Variants in RPP14 observed in about 807,000 individuals in gnomAD.
RPP14 encodes the protein ribonuclease P protein subunit p14.
A neutral mutation model predicts 17.8 loss-of-function variants in RPP14; 19 were observed. The observed-to-expected ratio is 1.07, with a 90% CI of 0.74 to 1.57. The LOEUF (loss-of-function observed/expected upper bound fraction) is 1.57, where lower values mean the gene tolerates loss of function less well. Among genes scored for constraint, RPP14 ranks in the 40% most tolerant of loss-of-function variants. The pLI is 0.00. For missense variants in RPP14, 125 were observed against 140.8 expected (o/e 0.89, Z 0.57); for synonymous variants, 60 against 56.4 (o/e 1.06, Z -0.29).
At chr3:58,307,950 C>A (rs1167640136) in intron 1 of RPP14, 2 of 151,772 alleles carry the variant, frequency 1.3e-5, no homozygotes, top group African/African-American at 2.4e-5. Flanking sequence ...GCTGTGCAGC[C>A]ATCACCACTG....
chr3:58,311,436 G>C (rs1029613015), intron 3 of RPP14, among the ~76,000 whole-genome samples: 1 of 152,196 alleles, frequency 6.6e-6, no homozygotes, highest in Non-Finnish European at 1.5e-5. Context: ...TTACAGGCAC[G>C]AGCCACTGTG....
At position 58,317,660 on chromosome 3, in the gene RPP14, G is replaced by A. The variant is rs543561860; in HGVS notation, c.*164G>A. The A allele has an allele frequency of 1.3e-5, 9 of 709,386 alleles. No individual in the cohort carries two copies. Among genetic ancestry groups the A allele is most frequent in the South Asian group, 8.8e-5 (6 of 67,968 alleles). The allele number at this position is 709,386 out of a possible 1,614,324, so 43.9% of individuals were successfully genotyped here. The stretch of plus-strand genomic sequence containing the variant: ...CATCACCTTTGGTGGGGTGGGCTTC[G>A]GAGGACAGTCTGTCTGAACCTGCCA... On this transcript the variant is annotated 3_prime_UTR_variant, in exon 6 of 6. Coordinates refer to ENST00000295959, the MANE Select transcript of RPP14 (RefSeq NM_007042.6).
chr3:58,310,133 A>G (rs1241550227), intron 1 of RPP14, 176 bp from the exon 2 acceptor site: 23 of 572,166 alleles, frequency 4.0e-5, no homozygotes, highest in African/African-American at 1.9e-4. Flanking sequence ...CTCGAGAGCC[A>G]GAGGTGGAGG....
rs891162796 is a variant in RPP14 at position 58,306,263 on chromosome 3, C to T, written c.-176C>T. On this transcript the variant is annotated 5_prime_UTR_variant, in exon 1 of 6. In the 5' UTR this introduces an upstream ATG that the reference lacks. Coordinates refer to ENST00000295959, the MANE Select transcript of RPP14 (RefSeq NM_007042.6). The stretch of plus-strand genomic sequence containing the variant: ...TGACGTCATATCCGCCTGGGCGTCA[C>T]GCTTCGTGGGGCGGGACGAGGAGAA... The T allele has an allele frequency of 6.6e-6, 1 of 152,280 alleles. No homozygotes were observed. Among genetic ancestry groups the T allele is most frequent in the Non-Finnish European group, 1.5e-5 (1 of 68,082 alleles). The allele number at this position is 152,280 out of a possible 1,614,324, so 9.4% of individuals were successfully genotyped here. A position where few individuals can be genotyped will look rare whatever the true frequency, so the allele number is the denominator to read the frequency against.
intron 3 of RPP14, chr3:58,315,830 C>G (rs1171163935): frequency 6.6e-6 from 1 of 152,296 alleles, no homozygotes; most frequent in Non-Finnish European, 1.5e-5. Flanking sequence ...GCATGTGCCA[C>G]CACACCCGGC....
Position 58,310,510 on chromosome 3 carries a change from A to C in RPP14, c.81A>C (p.Glu27Asp). The stretch of plus-strand genomic sequence containing the variant: ...TTTTTTTTTTCACTTTTTTTAGAGA[A>C]TTTCAAGATTGTGGAGTTGGACTGA... Reference protein sequence around the residue: ...SEYHYMKVCLEFQDCGVGLNA... With the variant: ...SEYHYMKVCLDFQDCGVGLNA... Residue 27 changes from glutamate to aspartate, a missense_variant, in exon 3 of 6, where the codon GAA (glutamate) becomes GAC (aspartate). Physicochemically the swap from Glu to Asp is conservative, Grantham distance 45 (BLOSUM62 2). Transcript: ENST00000295959. 1.9e-6 allele frequency: 3 copies of C among 1,607,954 alleles called. No homozygotes were observed. The highest frequency in any genetic ancestry group is 2.5e-6 in the Non-Finnish European group (3 of 1,178,264).
chr3:58,319,120 G>A lies in RPP14; in HGVS notation c.*1624G>A, dbSNP rs754767290. ...GTATTTTAACTGTGTAACAATTATT[G>A]AAGGCGAAAATAGAAGTTGGGTCAT... On this transcript the variant is annotated 3_prime_UTR_variant, in exon 6 of 6. Transcript: ENST00000295959. 1.3e-5 allele frequency: 2 copies of A among 152,118 alleles called. No individual in the cohort carries two copies. Among genetic ancestry groups the A allele is most frequent in the African/African-American group, 4.8e-5 (2 of 41,412 alleles). 9.4% of individuals were successfully genotyped at this position (152,118 alleles called of 1,614,324 possible).
chr3:58,310,275 A>C, intron 1 of RPP14, 34 bp from the exon 2 acceptor site: 2 of 1,499,838 alleles, frequency 1.3e-6, no homozygotes. Flanking sequence ...TAGCATGTGC[A>C]TTGGTCATTT....
intron 1 of RPP14, among the ~76,000 whole-genome samples, chr3:58,308,250 G>C (rs553428954): frequency 6.6e-6 from 1 of 152,116 alleles, no homozygotes; most frequent in South Asian, 2.1e-4. Context: ...TCTCTCATTT[G>C]AATACCTACT....
At chr3:58,306,462 C>G (rs766782560) in intron 1 of RPP14, 45 bp downstream of exon 1, 5 of 152,342 alleles carry the variant, frequency 3.3e-5, no homozygotes, top group Non-Finnish European at 7.3e-5. Flanking sequence ...TGGGAGCCGT[C>G]TCAGTTGGCC....
intron 1 of RPP14, among the ~76,000 whole-genome samples, chr3:58,308,800 G>C (rs1486620672): frequency 6.6e-6 from 1 of 152,190 alleles, no homozygotes; most frequent in African/African-American, 2.4e-5. Flanking sequence ...ACAGTGTTAA[G>C]AGATTGCATA....
In RPP14 at chr3:58,310,304, T is replaced by C; in HGVS notation, c.-21-5T>C. On this transcript the variant is annotated splice_polypyrimidine_tract_variant and splice_region_variant and intron_variant, in intron 1 of 5. Coordinates refer to ENST00000295959, the MANE Select transcript of RPP14 (RefSeq NM_007042.6). The stretch of plus-strand genomic sequence containing the variant: ...GTCATTTCTAGCCCTCTTGACTTAC[T>C]GTAGGTGTGATCAGCACTGGAAAAG... 2.5e-6 allele frequency: 4 copies of C among 1,606,204 alleles called. No homozygotes were observed. Among genetic ancestry groups the C allele is most frequent in the Non-Finnish European group, 3.4e-6 (4 of 1,172,854 alleles).
chr3:58,310,846 C>A (rs1347136043), intron 3 of RPP14, among the ~76,000 whole-genome samples: 5 of 151,514 alleles, frequency 3.3e-5, no homozygotes, highest in African/African-American at 1.2e-4. Flanking sequence ...AGGATAATTG[C>A]TTGAACCCGG....
intron 3 of RPP14, chr3:58,315,658 C>T (rs2097487478): frequency 6.6e-6 from 1 of 152,148 alleles, no homozygotes; most frequent in African/African-American, 2.4e-5. Flanking sequence ...CATGAACCTC[C>T]CTGTACATTT....
At position 58,316,974 on chromosome 3, in the gene RPP14, G is replaced by A. The variant is rs2097488983; in HGVS notation, c.299G>A (p.Cys100Tyr). The change falls in exon 5 of 6, where the codon TGT becomes TAT. Residue 100 changes from cysteine to tyrosine, a missense_variant. Transcript: ENST00000295959. ...TTAGGATCCTATAAAGGCAAAAAAT[G>A]TGCTTTCCGGGTGATTCAGGTAAAG... is the stretch of plus-strand genomic sequence containing the variant. ...TLLGSYKGKK[C>Y]AFRVIQVSPF... The A allele has an allele frequency of 4.3e-6, 7 of 1,613,838 alleles. No individual in the cohort carries two copies. Among genetic ancestry groups the A allele is most frequent in the Non-Finnish European group, 5.9e-6 (7 of 1,179,784 alleles).
At position 58,320,049 on chromosome 3, in the gene RPP14, A is replaced by G. The variant is rs2097492898; in HGVS notation, c.*2553A>G. On this transcript the variant is annotated 3_prime_UTR_variant, in exon 6 of 6. Coordinates refer to ENST00000295959, the MANE Select transcript of RPP14 (RefSeq NM_007042.6). ...CTCTATGGGTTTCCCTGTTCTGGAC[A>G]TTTCATAAAAGTTCATACAATGTAT... The G allele has an allele frequency of 2.0e-5, 3 of 152,118 alleles. No homozygotes were observed. In the South Asian group the frequency reaches 6.2e-4, roughly 32 times the overall value. The allele number at this position is 152,118 out of a possible 1,614,324, so 9.4% of individuals were successfully genotyped here. A position where few individuals can be genotyped will look rare whatever the true frequency, so the allele number is the denominator to read the frequency against.
At position 58,318,319 on chromosome 3, in the gene RPP14, G is replaced by T; in HGVS notation, c.*823G>T. On this transcript the variant is annotated 3_prime_UTR_variant, in exon 6 of 6. Coordinates refer to ENST00000295959, the MANE Select transcript of RPP14 (RefSeq NM_007042.6). The stretch of plus-strand genomic sequence containing the variant: ...TTCATGCAGACTTGAGTGTATGCAG[G>T]ATTTCATTATCTGCCTGGGTTTTTT... The T allele has an allele frequency of 2.2e-6, 1 of 451,828 alleles. No individual in the cohort carries two copies. Among genetic ancestry groups the T allele is most frequent in the Non-Finnish European group, 3.9e-6 (1 of 257,734 alleles). The allele number at this position is 451,828 out of a possible 1,614,324, so 28.0% of individuals were successfully genotyped here.
rs774501241 is a variant in RPP14, at chr3:58,318,317, A to T, written c.*821A>T. The T allele has an allele frequency of 6.5e-6, 3 of 458,630 alleles. No homozygotes were observed. The highest frequency in any genetic ancestry group is 6.1e-5 in the African/African-American group (3 of 49,574). 28.4% of individuals were successfully genotyped at this position (458,630 alleles called of 1,614,324 possible). On this transcript the variant is annotated 3_prime_UTR_variant, in exon 6 of 6. Coordinates refer to ENST00000295959, the MANE Select transcript of RPP14 (RefSeq NM_007042.6). The stretch of plus-strand genomic sequence containing the variant: ...GCTTCATGCAGACTTGAGTGTATGC[A>T]GGATTTCATTATCTGCCTGGGTTTT...
At chr3:58,313,230 G>T (rs1271436064) in intron 3 of RPP14, among the ~76,000 whole-genome samples, 1 of 152,158 alleles carries the variant, frequency 6.6e-6, no homozygotes. Context: ...CTGCACTCCA[G>T]CCTGGGCGAC....
Sources: allele counts gnomAD v4.1 joint callset (sites outside exome capture counted in the v4.1 genomes callset), GRCh38; gene constraint gnomAD v4.1.1; transcripts MANE v1.5; gene names NCBI Gene and HGNC (gene_info 2026-07-23, HGNC 2026-07-21).